Variants in EEPD1 observed in about 807,000 individuals in gnomAD.
EEPD1 encodes the protein endonuclease/exonuclease/phosphatase family domain-containing protein 1.
In EEPD1, 17 loss-of-function variants were observed where a neutral mutation model predicts 46.3. The observed-to-expected ratio is 0.37, with a 90% CI of 0.25 to 0.55. The LOEUF is 0.55. EEPD1 is among the 20% of genes least tolerant of loss of function. EEPD1 has a pLI of 0.83. For missense variants in EEPD1, 673 were observed against 745.6 expected, an observed-to-expected ratio of 0.90 and a Z score of 1.13; for synonymous variants, 313 against 315.6, an observed-to-expected ratio of 0.99 and a Z score of 0.09.
At chr7:36,224,248 G>T (rs945323112) in intron 2 of EEPD1, among the ~76,000 whole-genome samples, 1 of 152,226 alleles carries the variant, frequency 6.6e-6, no homozygotes, top group African/African-American at 2.4e-5. Flanking sequence ...CATCACCCCT[G>T]TTCAGTGGGA....
At chr7:36,280,133 T>A (rs1333536714) in intron 3 of EEPD1, among the ~76,000 whole-genome samples, 1 of 152,162 alleles carries the variant, frequency 6.6e-6, no homozygotes, top group Non-Finnish European at 1.5e-5. Flanking sequence ...GTGTTCCCTT[T>A]GGGACCTGCT....
intron 2 of EEPD1, among the ~76,000 whole-genome samples, chr7:36,164,206 T>G (rs1784945100): frequency 6.6e-6 from 1 of 152,268 alleles, no homozygotes; most frequent in South Asian, 2.1e-4. Flanking sequence ...CAGCAATTTC[T>G]TAAACAACTT....
intron 2 of EEPD1, among the ~76,000 whole-genome samples, chr7:36,227,005 A>G (rs963558655): frequency 5.9e-5 from 9 of 152,168 alleles, no homozygotes; most frequent in Non-Finnish European, 1.3e-4. Context: ...AAACCAACAA[A>G]GTAGACTGAT....
At chr7:36,241,978 T>G (rs196535) in intron 3 of EEPD1, among the ~76,000 whole-genome samples, 2 of 151,798 alleles carry the variant, frequency 1.3e-5, no homozygotes, top group Non-Finnish European at 2.9e-5. Context: ...TCAAAACCTA[T>G]CAGAGAAATA....
chr7:36,203,183 C>G (rs1373978276), intron 2 of EEPD1, among the ~76,000 whole-genome samples: 6 of 152,128 alleles, frequency 3.9e-5, no homozygotes, highest in Admixed American at 3.3e-4. Flanking sequence ...CAGTGCTGCT[C>G]CTCGTGGCAG....
intron 3 of EEPD1, among the ~76,000 whole-genome samples, chr7:36,258,896 A>C (rs1165888362): frequency 6.6e-6 from 1 of 151,310 alleles, no homozygotes; most frequent in African/African-American, 2.4e-5. Flanking sequence ...AAAAAAAAAA[A>C]AAAAAAAACT....
chr7:36,242,741 G>T (rs900669726), intron 3 of EEPD1, among the ~76,000 whole-genome samples: 44 of 147,784 alleles, frequency 3.0e-4, no homozygotes, highest in African/African-American at 1.1e-3. Context: ...TGACCAACAT[G>T]GCGAAACTGT....
intron 3 of EEPD1, among the ~76,000 whole-genome samples, chr7:36,266,103 G>A (rs1787011741): frequency 1.3e-5 from 2 of 152,038 alleles, no homozygotes. Context: ...CTCACTTGGG[G>A]TTTGCCACGC....
chr7:36,272,142 C>T (rs1353213656), intron 3 of EEPD1, among the ~76,000 whole-genome samples: 1 of 151,714 alleles, frequency 6.6e-6, no homozygotes, highest in East Asian at 1.9e-4. Flanking sequence ...CTCAGCCTCC[C>T]GAAGTGCTAG....
Position 36,299,533 on chromosome 7 carries a change from GGGA to G in EEPD1, c.*332_*334del. On this transcript the variant is annotated 3_prime_UTR_variant, in exon 8 of 8. Coordinates refer to ENST00000242108, the MANE Select transcript of EEPD1 (RefSeq NM_030636.3). ...GCAGCACAAAGACAATATGAGCAGA[GGGA>G]GGAGAAGAAGGGGTGCTCAGGCTGC... 1 of 346,964 alleles carries G rather than the reference GGGA, an allele frequency of 2.9e-6. No homozygotes were observed. Among genetic ancestry groups the G allele is most frequent in the South Asian group, 3.9e-5 (1 of 25,330 alleles). The allele number at this position is 346,964 out of a possible 1,614,324, so 21.5% of individuals were successfully genotyped here.
Position 36,236,860 on chromosome 7 carries a change from C to T in EEPD1, c.879-2125C>T, listed in dbSNP as rs117807686. 4.2e-3 allele frequency among the ~76,000 whole-genome samples: 635 copies of T among 152,286 alleles called. 25 individuals carry two copies. The East Asian group carries it at 0.091, about 22-fold the overall frequency. On this transcript the variant is annotated intron_variant, in intron 2 of 7. Coordinates refer to ENST00000242108, the MANE Select transcript of EEPD1 (RefSeq NM_030636.3). ...ACCAGTCAGCTCTTTGTAAAATAGA[C>T]CAATTAGCAGGATGTGGGTGGGGCC...
chr7:36,159,411 G>A (rs1784870561), intron 2 of EEPD1, among the ~76,000 whole-genome samples: 1 of 152,226 alleles, frequency 6.6e-6, no homozygotes, highest in Admixed American at 6.5e-5. Flanking sequence ...TCTGGGGACA[G>A]AATGCCCATC....
intron 2 of EEPD1, among the ~76,000 whole-genome samples, chr7:36,209,145 A>C (rs1011190757): frequency 2.0e-5 from 3 of 152,180 alleles, no homozygotes; most frequent in African/African-American, 7.2e-5. Context: ...AAAACCAGCC[A>C]TGGTACTGGG....
chr7:36,250,786 T>C (rs570346566), intron 3 of EEPD1, among the ~76,000 whole-genome samples: 20 of 152,300 alleles, frequency 1.3e-4, no homozygotes, highest in African/African-American at 4.8e-4. Context: ...GAGGTACTCA[T>C]TGAGTTTCCA....
intron 6 of EEPD1, among the ~76,000 whole-genome samples, chr7:36,290,057 A>C (rs1787404509): frequency 6.6e-6 from 1 of 152,200 alleles, no homozygotes; most frequent in Non-Finnish European, 1.5e-5. Flanking sequence ...TGTGTGGGAA[A>C]TTGTCCACCT....
chr7:36,281,279 T>C, intron 4 of EEPD1, 54 bp downstream of exon 4: 19 of 1,504,098 alleles, frequency 1.3e-5, no homozygotes, highest in Admixed American at 7.2e-5. Flanking sequence ...ATACATACTT[T>C]TCCCCTAATC....
chr7:36,200,149 T>C (rs761856586), intron 2 of EEPD1, among the ~76,000 whole-genome samples: 2 of 151,948 alleles, frequency 1.3e-5, no homozygotes, highest in Non-Finnish European at 2.9e-5. Context: ...CATCCTCAAG[T>C]AAACCCCTAG....
At chr7:36,201,742 C>T (rs1785715354) in intron 2 of EEPD1, among the ~76,000 whole-genome samples, 1 of 152,172 alleles carries the variant, frequency 6.6e-6, no homozygotes, top group Non-Finnish European at 1.5e-5. Context: ...CCTCACCATG[C>T]ACCCTCTTGG....
At chr7:36,291,413 C>G (rs1787429089) in intron 6 of EEPD1, among the ~76,000 whole-genome samples, 1 of 152,168 alleles carries the variant, frequency 6.6e-6, no homozygotes, top group Admixed American at 6.5e-5. Context: ...GACAAACCTT[C>G]CCACCTCTGG....
Sources: gnomAD v4.1 joint callset for allele counts (sites outside exome capture counted in the v4.1 genomes callset) on GRCh38, gnomAD v4.1.1 for gene constraint, MANE v1.5 for transcripts, NCBI Gene and HGNC (gene_info 2026-07-23, HGNC 2026-07-21) for gene names.